The following RAB3IL1 variants were observed in gnomAD, a reference collection of about 807,000 sequenced individuals.
RAB3IL1 encodes RAB3A interacting protein like 1.
RAB3IL1 carries 37 observed loss-of-function variants against 49.2 expected under a neutral mutation model. That is an observed-to-expected ratio of 0.75 (90% CI 0.58 to 0.99). The LOEUF (loss-of-function observed/expected upper bound fraction) is 0.99, where lower values mean the gene tolerates loss of function less well. RAB3IL1 is among the 50% of genes least tolerant of loss of function. The pLI is 0.00. For missense variants in RAB3IL1, 484 were observed against 513.0 expected, an observed-to-expected ratio of 0.94 and a Z score of 0.55; for synonymous variants, 193 against 213.9, an observed-to-expected ratio of 0.90 and a Z score of 0.85.
chr11:61,908,444 C>T (rs1372114620), intron 1 of RAB3IL1, 138 bp from the exon 2 acceptor site: 50 of 1,012,078 alleles, frequency 4.9e-5, no homozygotes, highest in Non-Finnish European at 6.1e-5. Context: ...ACCCTACCAG[C>T]TATCATCAGT....
intron 1 of RAB3IL1, among the ~76,000 whole-genome samples, chr11:61,914,884 A>C (rs1591237476): frequency 6.6e-6 from 1 of 152,046 alleles, no homozygotes; most frequent in Admixed American, 6.5e-5. Context: ...CCAAATATAC[A>C]CCTGCCAGAG....
chr11:61,911,125 G>A (rs1455570495), intron 1 of RAB3IL1, among the ~76,000 whole-genome samples: 1 of 152,182 alleles, frequency 6.6e-6, no homozygotes, highest in African/African-American at 2.4e-5. Flanking sequence ...GCAGAGTGGG[G>A]ACAGGGCCCA....
chr11:61,898,519 C>A lies in RAB3IL1; in HGVS notation c.1067-159G>T, dbSNP rs939321257. ...GACCTCAGTGAGTGGCTGGACCTCT[C>A]TGAGGCTCCACTCTTGAGCCTTGGA... On this transcript the variant is annotated intron_variant, in intron 9 of 9. Transcript: ENST00000394836. The surrounding 1 kb of genome is among the most constrained non-coding windows in gnomAD (Gnocchi z 5.1). 6.6e-6 allele frequency among the ~76,000 whole-genome samples: 1 copy of A among 152,212 alleles called. No homozygotes were observed. Among genetic ancestry groups the A allele is most frequent in the African/African-American group, 2.4e-5 (1 of 41,450 alleles).
chr11:61,940,239 CGA>C, the RAB3IL1 span, among the ~76,000 whole-genome samples: 1 of 151,454 alleles, frequency 6.6e-6, no homozygotes, highest in Non-Finnish European at 1.5e-5. Flanking sequence ...GTCGGGAGTT[CGA>C]GACCAGCCTG....
At chr11:61,899,057 G>A in intron 9 of RAB3IL1, 1 of 567,626 alleles carries the variant, frequency 1.8e-6, no homozygotes, top group East Asian at 3.2e-5. Flanking sequence ...GGGCCAGGGA[G>A]AGATTCACAG....
upstream of RAB3IL1, among the ~76,000 whole-genome samples, chr11:61,924,628 C>T (rs1939966446): frequency 1.3e-5 from 2 of 152,192 alleles, no homozygotes; most frequent in South Asian, 2.1e-4. Flanking sequence ...CCTCAGTTTA[C>T]CCACCTTAAA....
In RAB3IL1 at chr11:61,902,623, A is replaced by C. The variant is rs893072976; in HGVS notation, c.900-82T>G. ...CCCCTGCATACAGGGAAGATGCAGC[A>C]GCTGAGAGGATGCATGGGGAGGGGC... is the stretch of plus-strand genomic sequence containing the variant. On this transcript the variant is annotated intron_variant, in intron 7 of 9. Coordinates refer to ENST00000394836, the MANE Select transcript of RAB3IL1 (RefSeq NM_013401.4). 8 of 1,254,702 alleles carry C rather than the reference A, an allele frequency of 6.4e-6. No homozygotes were observed. The African/African-American group carries it at 1.2e-4, about 19-fold the overall frequency. 77.7% of individuals were successfully genotyped at this position (1,254,702 alleles called of 1,614,324 possible).
chr11:61,928,946 G>A, the RAB3IL1 span, among the ~76,000 whole-genome samples: 1 of 151,976 alleles, frequency 6.6e-6, no homozygotes, highest in African/African-American at 2.4e-5. Context: ...GATATAGAAA[G>A]GTTAACACAT....
intron 5 of RAB3IL1, 73 bp from the exon 6 acceptor site, chr11:61,904,955 G>A (rs937788709): frequency 5.1e-6 from 6 of 1,173,956 alleles, no homozygotes; most frequent in Non-Finnish European, 6.1e-6. Context: ...AGGCTGAGCT[G>A]AAGGGGAGCG....
chr11:61,912,839 A>AAGAGGGGACAGC (rs768798036), intron 1 of RAB3IL1, among the ~76,000 whole-genome samples: 41 of 152,176 alleles, frequency 2.7e-4, no homozygotes, highest in Non-Finnish European at 4.6e-4. Context: ...GACCTGGGCT[A>AAGAGGGGACAGC]AGAGGGGACA....
chr11:61,915,897 G>C (rs1939659974), intron 1 of RAB3IL1, among the ~76,000 whole-genome samples: 1 of 151,966 alleles, frequency 6.6e-6, no homozygotes, highest in South Asian at 2.1e-4. Context: ...AATTAGCTGG[G>C]CGTGGTGGCG....
chr11:61,942,928 G>C, the RAB3IL1 span, among the ~76,000 whole-genome samples: 8 of 152,206 alleles, frequency 5.3e-5, no homozygotes, highest in Non-Finnish European at 1.5e-5. Context: ...ATGTTGTAAA[G>C]ATGACTAAGT....
At chr11:61,936,165 C>T in the RAB3IL1 span, among the ~76,000 whole-genome samples, 14 of 152,162 alleles carry the variant, frequency 9.2e-5, no homozygotes, top group East Asian at 2.7e-3. Context: ...CCATGGAATA[C>T]CATCGAGCAT....
chr11:61,910,055 C>T (rs1939391654), intron 1 of RAB3IL1, among the ~76,000 whole-genome samples: 3 of 152,198 alleles, frequency 2.0e-5, no homozygotes, highest in African/African-American at 2.4e-5. Context: ...CTCTCAACAG[C>T]ACTCGTGGTA....
the RAB3IL1 span, among the ~76,000 whole-genome samples, chr11:61,934,927 T>A: frequency 6.6e-6 from 1 of 151,864 alleles, no homozygotes; most frequent in East Asian, 1.9e-4. Context: ...TTCAGAAAAG[T>A]CACCAAAAAA....
the RAB3IL1 span, among the ~76,000 whole-genome samples, chr11:61,935,475 C>G: frequency 6.6e-6 from 1 of 151,230 alleles, no homozygotes; most frequent in African/African-American, 2.4e-5. Context: ...AGACATTAGA[C>G]TTTATAGATA....
chr11:61,902,248 G>GCC (rs1274262222), intron 8 of RAB3IL1, among the ~76,000 whole-genome samples, 194 bp downstream of exon 8: 12 of 152,354 alleles, frequency 7.9e-5, no homozygotes, highest in African/African-American at 2.9e-4. Flanking sequence ...TGCCTGGGAG[G>GCC]CAGACATTGC....
chr11:61,928,050 G>A, the RAB3IL1 span, among the ~76,000 whole-genome samples: 6 of 151,942 alleles, frequency 3.9e-5, no homozygotes, highest in East Asian at 1.9e-4. Flanking sequence ...TGATGTGAAC[G>A]GATTCACATA....
the RAB3IL1 span, among the ~76,000 whole-genome samples, chr11:61,940,179 C>A: frequency 6.6e-6 from 1 of 152,150 alleles, no homozygotes; most frequent in Non-Finnish European, 1.5e-5. Flanking sequence ...CAGTAGCTCA[C>A]GCCTGTAATC....
Sources: allele counts gnomAD v4.1 joint callset (sites outside exome capture counted in the v4.1 genomes callset), GRCh38; gene constraint gnomAD v4.1.1; non-coding constraint Gnocchi (gnomAD v3.1); transcripts MANE v1.5; gene names NCBI Gene and HGNC (gene_info 2026-07-23, HGNC 2026-07-21).